FUBP3: variants seen among roughly 807,000 people sequenced by gnomAD.
The protein encoded by FUBP3 is far upstream element-binding protein 3.
In FUBP3, 28 loss-of-function variants were observed where a neutral mutation model predicts 85.6. The observed-to-expected ratio is 0.33, with a 90% CI of 0.24 to 0.45. The LOEUF (loss-of-function observed/expected upper bound fraction) is 0.45, where lower values mean the gene tolerates loss of function less well. Among genes scored for constraint, FUBP3 ranks in the 20% least tolerant of loss-of-function variants. The pLI, the probability that FUBP3 is intolerant of heterozygous loss-of-function variation, is 1.00. For synonymous variants in FUBP3, 271 were observed against 271.4 expected (o/e 1.00, Z 0.01); for missense variants, 583 against 755.1 (o/e 0.77, Z 2.67).
At chr9:130,629,392 T>G (rs1355388819) in intron 12 of FUBP3, among the ~76,000 whole-genome samples, 1 of 152,256 alleles carries the variant, frequency 6.6e-6, no homozygotes, top group Non-Finnish European at 1.5e-5. Flanking sequence ...GTCTTCTGCA[T>G]GCGACCTTAT....
At chr9:130,631,230 A>T in intron 13 of FUBP3, 1 of 1,275,208 alleles carries the variant, frequency 7.8e-7, no homozygotes, top group East Asian at 3.5e-5. Context: ...TGCTCACCTC[A>T]ATGGGGACGT....
intron 2 of FUBP3, among the ~76,000 whole-genome samples, chr9:130,605,875 T>TC (rs2119055618): frequency 6.6e-6 from 1 of 151,868 alleles, no homozygotes; most frequent in South Asian, 2.1e-4. Context: ...TCCTGGCTAC[T>TC]TGGTAGGCTG....
intron 12 of FUBP3, 118 bp downstream of exon 12, chr9:130,626,623 C>T (rs1217002463): frequency 8.7e-6 from 9 of 1,030,272 alleles, no homozygotes; most frequent in East Asian, 4.9e-5. Context: ...TGGGGCTGCC[C>T]GGTCTGGAGG....
chr9:130,590,021 A>ATTTTTTT lies in FUBP3; in HGVS notation c.85-5438_85-5432dup, dbSNP rs60878897. Among the ~76,000 whole-genome samples, 39 of 45,994 alleles carry ATTTTTTT rather than the reference A, an allele frequency of 8.5e-4. 5 individuals are homozygous for ATTTTTTT. Among genetic ancestry groups the ATTTTTTT allele is most frequent in the African/African-American group, 2.3e-3 (24 of 10,450 alleles). 30.2% of individuals were successfully genotyped at this position (45,994 alleles called of 152,430 possible). A position where few individuals can be genotyped will look rare whatever the true frequency, so the allele number is the denominator to read the frequency against. On this transcript the variant is annotated intron_variant, in intron 1 of 18. Transcript: ENST00000319725. The stretch of plus-strand genomic sequence containing the variant: ...TGAGCCACCACACCCGGCCTATTTA[A>ATTTTTTT]TTTTTTTTTTTTTTTTTTTTTTTTT...
intron 1 of FUBP3, among the ~76,000 whole-genome samples, chr9:130,582,902 G>A (rs190496971): frequency 6.6e-5 from 10 of 152,256 alleles, no homozygotes; most frequent in Admixed American, 3.3e-4. Flanking sequence ...GCCAGTCGTC[G>A]CCTAAATAGA....
intron 9 of FUBP3, among the ~76,000 whole-genome samples, chr9:130,621,918 A>G (rs1384644746): frequency 1.4e-5 from 2 of 147,938 alleles, no homozygotes; most frequent in African/African-American, 2.7e-5. Context: ...AAAAAAGAAA[A>G]AAAAAAGAAC....
chr9:130,613,107 G>A (rs11243976), intron 5 of FUBP3, 80 bp downstream of exon 5: 38,937 of 860,694 alleles, frequency 0.045, 2,309 homozygotes, highest in East Asian at 0.2. Flanking sequence ...TACTTTGCTT[G>A]TTGCTTGGGT....
intron 1 of FUBP3, among the ~76,000 whole-genome samples, chr9:130,587,722 T>G (rs933754477): frequency 1.3e-5 from 2 of 152,172 alleles, no homozygotes; most frequent in Admixed American, 1.3e-4. Context: ...AAGTCATGAA[T>G]TCTCTAAAAC....
chr9:130,599,635 TGGATCA>T (rs1831051900), intron 2 of FUBP3, among the ~76,000 whole-genome samples: 1 of 152,182 alleles, frequency 6.6e-6, no homozygotes, highest in South Asian at 2.1e-4. Context: ...CCTCCAGCTT[TGGATCA>T]GGCCATTTTA....
chr9:130,636,184 A>G, intron 18 of FUBP3, 58 bp downstream of exon 18: 2 of 1,562,058 alleles, frequency 1.3e-6, no homozygotes, highest in Non-Finnish European at 1.8e-6. Context: ...CCTGCTCCCA[A>G]GCCTTCTGTG....
At chr9:130,579,876 C>T (rs1012471044) in intron 1 of FUBP3, 112 bp downstream of exon 1, 2 of 603,138 alleles carry the variant, frequency 3.3e-6, no homozygotes, top group Non-Finnish European at 4.8e-6. Context: ...GACGTCTCAG[C>T]CGGGCCGGGC....
intron 1 of FUBP3, among the ~76,000 whole-genome samples, chr9:130,585,961 G>A (rs1830320617): frequency 6.6e-6 from 1 of 152,150 alleles, no homozygotes; most frequent in South Asian, 2.1e-4. Flanking sequence ...AATTGAAAAT[G>A]TTCTGCATTT....
intron 18 of FUBP3, 117 bp downstream of exon 18, chr9:130,636,243 G>A (rs745874810): frequency 1.5e-5 from 16 of 1,036,704 alleles, no homozygotes; most frequent in African/African-American, 1.1e-4. Flanking sequence ...ACCTCTGGGC[G>A]CCATAGCTCC....
intron 7 of FUBP3, among the ~76,000 whole-genome samples, chr9:130,617,356 T>G (rs560163960): frequency 6.6e-6 from 1 of 152,336 alleles, no homozygotes; most frequent in Non-Finnish European, 1.5e-5. Context: ...TAATGTAGAC[T>G]CAGGGAGTTT....
At chr9:130,599,521 T>C (rs754724569) in intron 2 of FUBP3, among the ~76,000 whole-genome samples, 4 of 152,060 alleles carry the variant, frequency 2.6e-5, no homozygotes, top group Non-Finnish European at 5.9e-5. Flanking sequence ...GTCAGAACGC[T>C]GTTCATGAGT....
Position 130,612,153 on chromosome 9 carries a change from A to T in FUBP3, c.225-303A>T, listed in dbSNP as rs1449440100. On this transcript the variant is annotated intron_variant, in intron 3 of 18. Transcript: ENST00000319725. The surrounding 1 kb of genome is among the most constrained non-coding windows in gnomAD (Gnocchi z 4.1). ...GCACCTAACCAGGCAGAATGAGGCA[A>T]CACTGAGAGGTGCTGTATGAAGAAA... 6.6e-6 allele frequency among the ~76,000 whole-genome samples: 1 copy of T among 152,190 alleles called. No homozygotes were observed.
chr9:130,621,569 A>G (rs560609035), intron 9 of FUBP3, among the ~76,000 whole-genome samples: 1 of 152,284 alleles, frequency 6.6e-6, no homozygotes, highest in South Asian at 2.1e-4. Context: ...TCATTTTTAT[A>G]ACCATTTTGA....
Position 130,632,869 on chromosome 9 carries a change from G to T in FUBP3, c.1510+591G>T, listed in dbSNP as rs185073539. Reference sequence around the variant, plus strand: ...CTTCAGGAACCACTGTTGGGTTTCAGAGCTGGTCTAGCCCCTCTGGCATGG... The same window carrying T: ...CTTCAGGAACCACTGTTGGGTTTCATAGCTGGTCTAGCCCCTCTGGCATGG... On this transcript the variant is annotated intron_variant, in intron 16 of 18. Coordinates refer to ENST00000319725, the MANE Select transcript of FUBP3 (RefSeq NM_003934.2). 7.2e-5 allele frequency among the ~76,000 whole-genome samples: 11 copies of T among 152,402 alleles called. No individual in the cohort carries two copies. The East Asian group carries it at 2.1e-3, about 29-fold the overall frequency.
intron 12 of FUBP3, among the ~76,000 whole-genome samples, chr9:130,626,953 C>T (rs1830003248): frequency 1.3e-5 from 2 of 152,164 alleles, no homozygotes; most frequent in South Asian, 2.1e-4. Context: ...TCTTGATCCG[C>T]GTAACATGTG....
Sources: gnomAD v4.1 joint callset for allele counts (sites outside exome capture counted in the v4.1 genomes callset) on GRCh38, gnomAD v4.1.1 for gene constraint, Gnocchi (gnomAD v3.1) non-coding constraint, MANE v1.5 for transcripts, NCBI Gene and HGNC (gene_info 2026-07-23, HGNC 2026-07-21) for gene names.